The following FAM167A variants were observed in gnomAD, a reference collection of about 807,000 sequenced individuals.
FAM167A encodes family with sequence similarity 167 member A.
FAM167A carries 23 observed loss-of-function variants against 14.9 expected under a neutral mutation model. The observed-to-expected ratio is 1.55, with a 90% CI of 1.11 to 2.19. The LOEUF (loss-of-function observed/expected upper bound fraction) is 2.19, where lower values mean the gene tolerates loss of function less well. Ranked by LOEUF, FAM167A falls within the 30% of genes most tolerant of loss-of-function variation. The pLI is 0.00. For missense variants in FAM167A, 401 were observed against 281.5 expected (o/e 1.42, Z -3.04); for synonymous variants, 174 against 117.7 (o/e 1.48, Z -3.10).
At position 11,444,807 on chromosome 8, in the gene FAM167A, C is replaced by G. The variant is rs915760299; in HGVS notation, c.-396G>C. ...CTCGGGAAGGGCAGGTGGCTGGAGACCCTGTGGGAGGGATGAGAACCGCAT... is the reference window on the plus strand; with the variant it reads ...CTCGGGAAGGGCAGGTGGCTGGAGAGCCTGTGGGAGGGATGAGAACCGCAT... On this transcript the variant is annotated splice_region_variant and 5_prime_UTR_variant, in exon 2 of 3. Transcript: ENST00000284486. 11 of 1,004,664 alleles carry G rather than the reference C, an allele frequency of 1.1e-5. No individual in the cohort carries two copies. The highest frequency in any genetic ancestry group is 1.3e-5 in the Non-Finnish European group (11 of 842,354). 62.2% of individuals were successfully genotyped at this position (1,004,664 alleles called of 1,614,324 possible).
chr8:11,448,610 C>T (rs992029031), intron 1 of FAM167A, among the ~76,000 whole-genome samples: 1 of 152,204 alleles, frequency 6.6e-6, no homozygotes, highest in Non-Finnish European at 1.5e-5. Context: ...GTCAGTTGAT[C>T]CCACCTCCCC....
chr8:11,435,043 A>G (rs1157243219), intron 2 of FAM167A: 4 of 456,746 alleles, frequency 8.8e-6, no homozygotes, highest in Non-Finnish European at 1.3e-5. Flanking sequence ...CCCTCACTCA[A>G]TCTGTCTCCA....
rs116064993 is a variant in FAM167A at position 11,441,514 on chromosome 8, G to A, written c.381+2517C>T. ...TGAGAGATTCTCTATCCTGTGATGA[G>A]GATGATTTCTGGAGCATGCATCTCC... is the stretch of plus-strand genomic sequence containing the variant. On this transcript the variant is annotated intron_variant, in intron 2 of 2. Coordinates refer to ENST00000284486, the MANE Select transcript of FAM167A (RefSeq NM_053279.3). 6.0e-3 allele frequency among the ~76,000 whole-genome samples: 908 copies of A among 152,340 alleles called. 4 individuals carry two copies. Among genetic ancestry groups the A allele is most frequent in the African/African-American group, 0.02 (845 of 41,564 alleles).
upstream of FAM167A, among the ~76,000 whole-genome samples, chr8:11,468,310 G>T (rs1214594433): frequency 2.0e-5 from 3 of 152,184 alleles, no homozygotes; most frequent in Non-Finnish European, 4.4e-5. Flanking sequence ...CACAGACCCT[G>T]CTCCCCAGAC....
intron 2 of FAM167A, among the ~76,000 whole-genome samples, chr8:11,428,225 G>A (rs996115938): frequency 6.6e-5 from 10 of 152,222 alleles, no homozygotes; most frequent in African/African-American, 1.4e-4. Flanking sequence ...TCTGTGAGAC[G>A]CAGGCTGTGG....
intron 2 of FAM167A, among the ~76,000 whole-genome samples, chr8:11,426,663 G>T (rs1020029350): frequency 5.5e-4 from 84 of 152,294 alleles, no homozygotes; most frequent in Middle Eastern, 3.4e-3. Context: ...AGTGGATACT[G>T]GGGGAAGAGG....
At chr8:11,426,768 C>T (rs901124977) in intron 2 of FAM167A, among the ~76,000 whole-genome samples, 3 of 152,012 alleles carry the variant, frequency 2.0e-5, no homozygotes, top group East Asian at 1.9e-4. Flanking sequence ...TTTGATCAAC[C>T]GAATACACAA....
At position 11,444,791 on chromosome 8, in the gene FAM167A, G is replaced by T; in HGVS notation, c.-380C>A. 9.9e-7 allele frequency: 1 copy of T among 1,009,376 alleles called. No homozygotes were observed. Among genetic ancestry groups the T allele is most frequent in the Non-Finnish European group, 1.2e-6 (1 of 845,376 alleles). The allele number at this position is 1,009,376 out of a possible 1,614,324, so 62.5% of individuals were successfully genotyped here. A position where few individuals can be genotyped will look rare whatever the true frequency, so the allele number is the denominator to read the frequency against. Reference sequence around the variant, plus strand: ...CCCAGAGCTCTCTCTTCTCGGGAAGGGCAGGTGGCTGGAGACCCTGTGGGA... The same window carrying T: ...CCCAGAGCTCTCTCTTCTCGGGAAGTGCAGGTGGCTGGAGACCCTGTGGGA... On this transcript the variant is annotated 5_prime_UTR_variant, in exon 2 of 3. Transcript: ENST00000284486.
At chr8:11,440,163 A>G (rs1410869291) in intron 2 of FAM167A, among the ~76,000 whole-genome samples, 1 of 152,144 alleles carries the variant, frequency 6.6e-6, no homozygotes, top group Non-Finnish European at 1.5e-5. Context: ...GTGTCCCAGG[A>G]GCAGCGAGAC....
At chr8:11,448,068 C>T (rs1395629546) in intron 1 of FAM167A, among the ~76,000 whole-genome samples, 1 of 152,128 alleles carries the variant, frequency 6.6e-6, no homozygotes. Flanking sequence ...GTGGCGCACG[C>T]CTGTAATCCC....
intron 1 of FAM167A, among the ~76,000 whole-genome samples, chr8:11,452,014 C>T (rs1405841478): frequency 6.6e-6 from 1 of 152,192 alleles, no homozygotes; most frequent in Non-Finnish European, 1.5e-5. Context: ...AAATATACAA[C>T]TGAGAGCAAA....
Position 11,422,232 on chromosome 8 carries a change from A to C in FAM167A, c.*2141T>G. The C allele has an allele frequency of 1.2e-5, 2 of 164,556 alleles. No homozygotes were observed. Among genetic ancestry groups the C allele is most frequent in the Non-Finnish European group, 2.6e-5 (2 of 76,200 alleles). 10.2% of individuals were successfully genotyped at this position (164,556 alleles called of 1,614,324 possible). A position where few individuals can be genotyped will look rare whatever the true frequency, so the allele number is the denominator to read the frequency against. On this transcript the variant is annotated 3_prime_UTR_variant, in exon 3 of 3. Coordinates refer to ENST00000284486, the MANE Select transcript of FAM167A (RefSeq NM_053279.3). ...AATCTTTCCATTTTCGCTGAACCCA[A>C]TGGTTTCGGTTACTGTAATGACTGA...
chr8:11,432,155 T>G (rs374961312), intron 2 of FAM167A, among the ~76,000 whole-genome samples: 2 of 152,202 alleles, frequency 1.3e-5, no homozygotes, highest in African/African-American at 4.8e-5. Context: ...ATACTCTTAG[T>G]TGCCAATGAG....
chr8:11,428,370 C>T (rs1478156283), intron 2 of FAM167A, among the ~76,000 whole-genome samples: 1 of 152,256 alleles, frequency 6.6e-6, no homozygotes, highest in Non-Finnish European at 1.5e-5. Flanking sequence ...ACAGTAAGGC[C>T]TGTGTCAGTT....
chr8:11,436,247 G>A (rs139195701), intron 2 of FAM167A, among the ~76,000 whole-genome samples: 1 of 152,198 alleles, frequency 6.6e-6, no homozygotes, highest in Non-Finnish European at 1.5e-5. Flanking sequence ...CTCCCACTCA[G>A]GGGTGTCCTT....
At chr8:11,427,415 CCTT>C (rs1464702302) in intron 2 of FAM167A, among the ~76,000 whole-genome samples, 1 of 152,144 alleles carries the variant, frequency 6.6e-6, no homozygotes, top group Non-Finnish European at 1.5e-5. Flanking sequence ...AGATCTGAAT[CCTT>C]CTCACTATTT....
intron 2 of FAM167A, 124 bp from the exon 3 acceptor site, chr8:11,424,760 G>C (rs1805017829): frequency 7.3e-7 from 1 of 1,365,072 alleles, no homozygotes; most frequent in South Asian, 1.4e-5. Flanking sequence ...AGAAATATTA[G>C]CACTTTCCCT....
chr8:11,452,021 C>G (rs1807045264), intron 1 of FAM167A, among the ~76,000 whole-genome samples: 1 of 152,182 alleles, frequency 6.6e-6, no homozygotes, highest in Non-Finnish European at 1.5e-5. Context: ...CAACTGAGAG[C>G]AAACCAGTGT....
At chr8:11,452,246 G>A (rs143110403) in intron 1 of FAM167A, among the ~76,000 whole-genome samples, 1,593 of 152,318 alleles carry the variant, frequency 0.01, 14 homozygotes, top group Non-Finnish European at 0.017. Context: ...GCTTGATGAG[G>A]ACAGAATGAC....
Sources: allele counts gnomAD v4.1 joint callset (sites outside exome capture counted in the v4.1 genomes callset), GRCh38; gene constraint gnomAD v4.1.1; transcripts MANE v1.5; gene names NCBI Gene and HGNC (gene_info 2026-07-23, HGNC 2026-07-21).